Variants in LEMD3 observed in about 807,000 individuals in gnomAD.
The protein encoded by LEMD3 is inner nuclear membrane protein Man1.
In LEMD3, 33 loss-of-function variants were observed where a neutral mutation model predicts 95.2. The observed-to-expected ratio is 0.35, with a 90% CI of 0.26 to 0.46. The LOEUF is 0.46. LEMD3 is among the 20% of genes least tolerant of loss of function. LEMD3 has a pLI of 1.00. For missense variants in LEMD3, 1,210 were observed against 1,192.8 expected (o/e 1.01, Z -0.21); for synonymous variants, 525 against 474.6 (o/e 1.11, Z -1.38).
intron 2 of LEMD3, among the ~76,000 whole-genome samples, chr12:65,213,103 T>C (rs182643359): frequency 4.6e-5 from 7 of 152,258 alleles, no homozygotes; most frequent in African/African-American, 1.7e-4. Context: ...GATAGATAGA[T>C]AGATAGATAG....
chr12:65,182,991 G>A (rs1040116860), intron 1 of LEMD3, among the ~76,000 whole-genome samples: 5 of 152,090 alleles, frequency 3.3e-5, no homozygotes, highest in Admixed American at 3.3e-4. Flanking sequence ...ACTTAAATTA[G>A]AAGGTATTTA....
chr12:65,188,402 G>T (rs926843591), intron 1 of LEMD3, among the ~76,000 whole-genome samples: 2 of 152,124 alleles, frequency 1.3e-5, no homozygotes, highest in Non-Finnish European at 2.9e-5. Flanking sequence ...GAACCGGAAG[G>T]GATCCAGAGA....
chr12:65,191,134 C>T (rs936239676), intron 1 of LEMD3, among the ~76,000 whole-genome samples: 3 of 151,906 alleles, frequency 2.0e-5, no homozygotes, highest in Admixed American at 2.0e-4. Flanking sequence ...AACTCTTAGC[C>T]AGAGCAATGG....
intron 1 of LEMD3, among the ~76,000 whole-genome samples, chr12:65,173,971 G>A (rs931671472): frequency 6.6e-6 from 1 of 152,028 alleles, no homozygotes. Context: ...ATACATACAC[G>A]TATTCCATAT....
chr12:65,182,419 G>A (rs1401756683), intron 1 of LEMD3, among the ~76,000 whole-genome samples: 1 of 152,104 alleles, frequency 6.6e-6, no homozygotes, highest in African/African-American at 2.4e-5. Flanking sequence ...GGACTTAACA[G>A]CTATAGTAGT....
rs547625447 is a variant in LEMD3 at position 65,171,027 on chromosome 12, C to T, written c.1431C>T (p.Leu477=). The T allele has an allele frequency of 5.0e-6, 8 of 1,614,244 alleles. No homozygotes were observed. The African/African-American group carries it at 6.7e-5, about 13-fold the overall frequency. ...SFSAHYLSMF[L]LTAACLFFLI... is the part of the protein sequence containing the mutation. Reference sequence around the variant, plus strand: ...GTGCCCACTACTTGTCGATGTTTCTCTTAACTGCTGCCTGCTTATTTTTCC... The same window carrying T: ...GTGCCCACTACTTGTCGATGTTTCTTTTAACTGCTGCCTGCTTATTTTTCC... The change falls in exon 1 of 13, where the codon CTC becomes CTT. Residue 477 remains leucine (L), a synonymous_variant. Coordinates refer to ENST00000308330, the MANE Select transcript of LEMD3 (RefSeq NM_014319.5).
In LEMD3 at chr12:65,247,380, T is replaced by C. The variant is rs536452859; in HGVS notation, c.*1055T>C. The stretch of plus-strand genomic sequence containing the variant: ...ATGATATGTTAGTGCCTCTGTTATA[T>C]GTCAAGTTTAAAGCAGGGCACATTG... On this transcript the variant is annotated 3_prime_UTR_variant, in exon 13 of 13. Transcript: ENST00000308330. 6.5e-6 allele frequency: 1 copy of C among 152,726 alleles called. No homozygotes were observed. The highest frequency in any genetic ancestry group is 1.9e-4 in the East Asian group (1 of 5,186). The allele number at this position is 152,726 out of a possible 1,614,324, so 9.5% of individuals were successfully genotyped here.
intron 1 of LEMD3, among the ~76,000 whole-genome samples, chr12:65,192,710 CCTG>C (rs2136325314): frequency 6.6e-6 from 1 of 152,230 alleles, no homozygotes; most frequent in South Asian, 2.1e-4. Flanking sequence ...TACTAACAGA[CCTG>C]AATATCTTTC....
intron 1 of LEMD3, among the ~76,000 whole-genome samples, chr12:65,202,887 T>C (rs2136331298): frequency 6.6e-6 from 1 of 152,262 alleles, no homozygotes; most frequent in Non-Finnish European, 1.5e-5. Context: ...ATGGGATCCA[T>C]AGTAATGTCC....
intron 1 of LEMD3, among the ~76,000 whole-genome samples, chr12:65,191,188 C>T (rs573075584): frequency 2.0e-4 from 31 of 152,012 alleles, no homozygotes; most frequent in Non-Finnish European, 3.5e-4. Flanking sequence ...TTCAGAGTCT[C>T]TTCCATGAAT....
intron 4 of LEMD3, among the ~76,000 whole-genome samples, chr12:65,236,230 T>C (rs1409414258): frequency 1.3e-5 from 2 of 152,238 alleles, no homozygotes; most frequent in Non-Finnish European, 2.9e-5. Flanking sequence ...TTTTTATTTC[T>C]GTTTTTAGAA....
At chr12:65,176,167 A>G (rs994054647) in intron 1 of LEMD3, among the ~76,000 whole-genome samples, 2 of 152,214 alleles carry the variant, frequency 1.3e-5, no homozygotes, top group African/African-American at 4.8e-5. Flanking sequence ...TTTCTAAAGC[A>G]CAAATGTGAT....
At chr12:65,239,756 G>A (rs548225846) in intron 6 of LEMD3, among the ~76,000 whole-genome samples, 173 bp from the exon 7 acceptor site, 1 of 152,196 alleles carries the variant, frequency 6.6e-6, no homozygotes, top group Non-Finnish European at 1.5e-5. Flanking sequence ...TCTAGAAAGT[G>A]AATCTTTGGA....
chr12:65,170,909 A>G lies in LEMD3; in HGVS notation c.1313A>G (p.Lys438Arg). ...NHTGSNHTYL[K>R]NTYNKPKLSE... ...ACGGGCTCCAATCATACCTACCTGA[A>G]AAACACATACAACAAACCGAAGCTT... The change falls in exon 1 of 13, where the codon AAA becomes AGA. Residue 438 changes from lysine (K) to arginine (R), a missense_variant. Lys to Arg is a conservative substitution (Grantham distance 26, BLOSUM62 2). Coordinates refer to ENST00000308330, the MANE Select transcript of LEMD3 (RefSeq NM_014319.5). 1 of 1,614,238 alleles carries G rather than the reference A, an allele frequency of 6.2e-7. No individual in the cohort carries two copies. The highest frequency in any genetic ancestry group is 2.2e-5 in the East Asian group (1 of 44,874).
At chr12:65,205,977 A>T (rs1869750405) in intron 1 of LEMD3, among the ~76,000 whole-genome samples, 1 of 152,190 alleles carries the variant, frequency 6.6e-6, no homozygotes, top group Non-Finnish European at 1.5e-5. Context: ...AAACAATTAG[A>T]GAACTTTCAG....
At chr12:65,191,457 C>G (rs1338529397) in intron 1 of LEMD3, among the ~76,000 whole-genome samples, 2 of 151,768 alleles carry the variant, frequency 1.3e-5, no homozygotes, top group African/African-American at 4.8e-5. Flanking sequence ...AGTAACATAC[C>G]CAGGCAAATA....
chr12:65,180,377 T>C (rs539394084), intron 1 of LEMD3, among the ~76,000 whole-genome samples: 3 of 149,354 alleles, frequency 2.0e-5, no homozygotes, highest in East Asian at 3.9e-4. Context: ...GTTAATAATA[T>C]TCTTTATTAA....
At chr12:65,216,416 A>G (rs1008769060) in intron 3 of LEMD3, among the ~76,000 whole-genome samples, 10 of 152,022 alleles carry the variant, frequency 6.6e-5, no homozygotes, top group African/African-American at 2.4e-4. Flanking sequence ...TTGGTTGTAT[A>G]GGTATCATTC....
chr12:65,240,206 T>C lies in LEMD3; in HGVS notation c.2094T>C (p.His698=), dbSNP rs1309178409. 1.9e-6 allele frequency: 3 copies of C among 1,613,528 alleles called. No homozygotes were observed. The highest frequency in any genetic ancestry group is 2.2e-5 in the East Asian group (1 of 44,852). The change falls in exon 8 of 13, where the codon CAT becomes CAC. Residue 698 remains histidine, a synonymous_variant. Coordinates refer to ENST00000308330, the MANE Select transcript of LEMD3 (RefSeq NM_014319.5). The part of the protein sequence containing the change: ...KDLQPYMPIP[H]VRDSLIQPHD... ...TACAACCTTACATGCCTATTCCACA[T>C]GTACGCGATTCCTTAATACAGCCTC...
Sources: gnomAD v4.1 joint callset for allele counts (sites outside exome capture counted in the v4.1 genomes callset) on GRCh38, gnomAD v4.1.1 for gene constraint, MANE v1.5 for transcripts, NCBI Gene and HGNC (gene_info 2026-07-23, HGNC 2026-07-21) for gene names.